CSMD1: variants seen among roughly 807,000 people sequenced by gnomAD.
CSMD1 encodes the protein CUB and Sushi multiple domains 1, also known as CUB and sushi domain-containing protein 1.
In CSMD1, 213 loss-of-function variants were observed where a neutral mutation model predicts 417.5. That is an observed-to-expected ratio of 0.51 (90% CI 0.46 to 0.57). The LOEUF is 0.57. Among genes scored for constraint, CSMD1 ranks in the 20% least tolerant of loss-of-function variants. CSMD1 has a pLI of 0.00. For synonymous variants in CSMD1, 2,862 were observed against 1,736.8 expected, an observed-to-expected ratio of 1.65 and a Z score of -16.11; for missense variants, 6,923 against 4,529.7, an observed-to-expected ratio of 1.53 and a Z score of -15.17.
At chr8:4,299,907 G>A (rs570181929) in intron 3 of CSMD1, among the ~76,000 whole-genome samples, 2 of 152,092 alleles carry the variant, frequency 1.3e-5, no homozygotes, top group Non-Finnish European at 2.9e-5. Flanking sequence ...AGGATTACAG[G>A]TATAAGCCAC....
chr8:4,672,363 C>T (rs1331165040), intron 1 of CSMD1, among the ~76,000 whole-genome samples: 2 of 152,136 alleles, frequency 1.3e-5, no homozygotes, highest in South Asian at 2.1e-4. Context: ...CTTGAAGTAA[C>T]TGTAAAGAGA....
In CSMD1 at chr8:3,404,236, G is replaced by T. The variant is rs1466908858; in HGVS notation, c.2266+1791C>A. 2.0e-5 allele frequency among the ~76,000 whole-genome samples: 3 copies of T among 151,900 alleles called. No homozygotes were observed. In the East Asian group the frequency reaches 5.8e-4, roughly 29 times the overall value. On this transcript the variant is annotated intron_variant, in intron 15 of 69. Transcript: ENST00000635120. ...GTAGTCCCAGTTACTCAGGAAGGCT[G>T]AGGCAGAAGAACTGCTTGAATCTGG...
intron 2 of CSMD1, among the ~76,000 whole-genome samples, chr8:4,517,823 C>T (rs1215153386): frequency 6.6e-6 from 1 of 152,096 alleles, no homozygotes; most frequent in Non-Finnish European, 1.5e-5. Flanking sequence ...GATTGTCAAA[C>T]ATATATTCAA....
At chr8:3,652,876 C>G (rs999096884) in intron 7 of CSMD1, among the ~76,000 whole-genome samples, 6 of 152,160 alleles carry the variant, frequency 3.9e-5, no homozygotes, top group African/African-American at 1.4e-4. Flanking sequence ...TGCACACAGT[C>G]AGCACTCAAT....
rs191955626 is a variant in CSMD1, at chr8:4,306,373, C to G, written c.415+113580G>C. On this transcript the variant is annotated intron_variant, in intron 3 of 69. Transcript: ENST00000635120. ...ATGTGACTAATCAATGAGCCTCACT[C>G]TGATAATGCTGGATTAAAAAACCTA... 1.5e-3 allele frequency among the ~76,000 whole-genome samples: 221 copies of G among 147,568 alleles called. 1 individual carries two copies. The highest frequency in any genetic ancestry group is 5.4e-3 in the African/African-American group (212 of 39,284).
intron 12 of CSMD1, among the ~76,000 whole-genome samples, chr8:3,457,393 C>A (rs769260800): frequency 6.6e-6 from 1 of 152,204 alleles, no homozygotes; most frequent in Non-Finnish European, 1.5e-5. Context: ...TCAGATGGCA[C>A]AAACTTTCTT....
At chr8:3,549,613 A>C (rs1798823609) in intron 10 of CSMD1, among the ~76,000 whole-genome samples, 1 of 152,146 alleles carries the variant, frequency 6.6e-6, no homozygotes, top group Non-Finnish European at 1.5e-5. Context: ...GTGGCTTTTT[A>C]AAAACAGGAG....
intron 1 of CSMD1, among the ~76,000 whole-genome samples, chr8:4,866,655 T>C (rs947415678): frequency 6.6e-6 from 1 of 151,886 alleles, no homozygotes; most frequent in Non-Finnish European, 1.5e-5. Flanking sequence ...GTTCTAATGC[T>C]CTCTTCTCTT....
intron 5 of CSMD1, among the ~76,000 whole-genome samples, chr8:3,832,276 G>C (rs1802421900): frequency 6.6e-6 from 1 of 152,114 alleles, no homozygotes; most frequent in African/African-American, 2.4e-5. Flanking sequence ...TTATTCCTGA[G>C]TACACGGGAT....
At chr8:3,126,494 G>A (rs1039473206) in intron 41 of CSMD1, among the ~76,000 whole-genome samples, 5 of 152,098 alleles carry the variant, frequency 3.3e-5, no homozygotes, top group African/African-American at 1.2e-4. Context: ...CCCCGCTTGA[G>A]TCCTCAGCTT....
At chr8:4,752,556 G>A (rs1811400511) in intron 1 of CSMD1, among the ~76,000 whole-genome samples, 1 of 152,122 alleles carries the variant, frequency 6.6e-6, no homozygotes, top group African/African-American at 2.4e-5. Flanking sequence ...GTACCCAGAT[G>A]CACAGAGTGA....
intron 2 of CSMD1, among the ~76,000 whole-genome samples, chr8:4,523,983 T>G (rs1803632737): frequency 6.6e-6 from 1 of 152,082 alleles, no homozygotes; most frequent in African/African-American, 2.4e-5. Context: ...TACGCTCTCC[T>G]CAAATGGGTC....
intron 51 of CSMD1, among the ~76,000 whole-genome samples, chr8:3,019,833 T>C (rs1809206483): frequency 6.6e-6 from 1 of 152,218 alleles, no homozygotes; most frequent in African/African-American, 2.4e-5. Flanking sequence ...TCATGGCCTC[T>C]CAGGGGAGGG....
chr8:4,591,969 A>C (rs1467389116), intron 2 of CSMD1, among the ~76,000 whole-genome samples: 3 of 152,200 alleles, frequency 2.0e-5, no homozygotes, highest in South Asian at 4.2e-4. Flanking sequence ...AGATAGATGG[A>C]GATATTGGCA....
At chr8:3,185,615 C>G (rs1006009889) in intron 36 of CSMD1, among the ~76,000 whole-genome samples, 1 of 152,174 alleles carries the variant, frequency 6.6e-6, no homozygotes, top group Non-Finnish European at 1.5e-5. Context: ...GCTAAGTTCA[C>G]TTGTGATAGT....
At position 4,624,108 on chromosome 8, in the gene CSMD1, G is replaced by T. The variant is rs73659179; in HGVS notation, c.302+13234C>A. On this transcript the variant is annotated intron_variant, in intron 2 of 69. Coordinates refer to ENST00000635120, the MANE Select transcript of CSMD1 (RefSeq NM_033225.6). ...CTATTATGTATCCAAGGTAAACTGG[G>T]CTCTCTGTATACCAAAATTCTAATT... Among the ~76,000 whole-genome samples, 401 of 152,170 alleles carry T rather than the reference G, an allele frequency of 2.6e-3. 3 individuals carry two copies. The highest frequency in any genetic ancestry group is 8.3e-3 in the African/African-American group (345 of 41,488).
intron 5 of CSMD1, among the ~76,000 whole-genome samples, chr8:3,918,760 G>C (rs879467082): frequency 6.6e-6 from 1 of 152,090 alleles, no homozygotes. Context: ...ATTCTTCTAA[G>C]TGAAGTAACT....
At chr8:3,881,184 C>A (rs557352572) in intron 5 of CSMD1, among the ~76,000 whole-genome samples, 17 of 151,616 alleles carry the variant, frequency 1.1e-4, no homozygotes, top group African/African-American at 3.6e-4. Flanking sequence ...TTAAAGATGG[C>A]AATTCTCTAC....
chr8:4,216,097 C>T (rs1266788290), intron 3 of CSMD1, among the ~76,000 whole-genome samples: 1 of 152,158 alleles, frequency 6.6e-6, no homozygotes, highest in Non-Finnish European at 1.5e-5. Flanking sequence ...TCTTGGCATG[C>T]AGTCCTCTTC....
Sources: allele counts gnomAD v4.1 joint callset (sites outside exome capture counted in the v4.1 genomes callset), GRCh38; gene constraint gnomAD v4.1.1; transcripts MANE v1.5; gene names NCBI Gene and HGNC (gene_info 2026-07-23, HGNC 2026-07-21).